Variants in NELL1 observed in about 807,000 individuals in gnomAD.
NELL1 encodes protein kinase C-binding protein NELL1.
In NELL1, 76 loss-of-function variants were observed where a neutral mutation model predicts 107.4. The observed-to-expected ratio is 0.71, with a 90% CI of 0.59 to 0.86. The LOEUF (loss-of-function observed/expected upper bound fraction) is 0.86. Among genes scored for constraint, NELL1 ranks in the 40% least tolerant of loss-of-function variants. The pLI, the probability that NELL1 is intolerant of heterozygous loss-of-function variation, is 0.00. For synonymous variants in NELL1, 353 were observed against 341.2 expected (o/e 1.03, Z -0.38); for missense variants, 1,024 against 1,005.5 (o/e 1.02, Z -0.25).
At chr11:21,155,693 C>T (rs935855906) in intron 13 of NELL1, among the ~76,000 whole-genome samples, 7 of 151,860 alleles carry the variant, frequency 4.6e-5, no homozygotes, top group African/African-American at 1.7e-4. Flanking sequence ...AGTCAGAGGG[C>T]TTTATATTAA....
Position 20,691,789 on chromosome 11 carries a change from C to G in NELL1, c.184+13729C>G, listed in dbSNP as rs1456451039. Reference sequence around the variant, plus strand: ...GACCGGCTTTGGTATCAGGATGATGCTGGCCTCATAAAACGAGTTAGGGAG... The same window carrying G: ...GACCGGCTTTGGTATCAGGATGATGGTGGCCTCATAAAACGAGTTAGGGAG... On this transcript the variant is annotated intron_variant, in intron 2 of 19. Coordinates refer to ENST00000357134, the MANE Select transcript of NELL1 (RefSeq NM_006157.5). 3.7e-3 allele frequency among the ~76,000 whole-genome samples: 561 copies of G among 152,146 alleles called. 2 individuals carry two copies. Among genetic ancestry groups the G allele is most frequent in the African/African-American group, 0.013 (538 of 41,486 alleles).
chr11:21,322,739 A>C (rs1360487347), intron 14 of NELL1, among the ~76,000 whole-genome samples: 2 of 152,038 alleles, frequency 1.3e-5, no homozygotes, highest in African/African-American at 4.8e-5. Context: ...AGAGTTTCTC[A>C]AGGTCAAGCC....
intron 12 of NELL1, among the ~76,000 whole-genome samples, chr11:21,076,424 AT>A (rs1854137690): frequency 6.6e-6 from 1 of 152,216 alleles, no homozygotes; most frequent in Non-Finnish European, 1.5e-5. Flanking sequence ...TGACCTGGAA[AT>A]AGTACATGTG....
At chr11:21,361,941 T>A (rs1057395565) in intron 14 of NELL1, among the ~76,000 whole-genome samples, 2 of 152,210 alleles carry the variant, frequency 1.3e-5, no homozygotes, top group Non-Finnish European at 2.9e-5. Flanking sequence ...CTCTGGTATT[T>A]CTTTGAGTAG....
In NELL1 at chr11:21,113,732, G is replaced by A; in HGVS notation, c.1426+18G>A. 1 of 1,607,540 alleles carries A rather than the reference G, an allele frequency of 6.2e-7. No homozygotes were observed. Among genetic ancestry groups the A allele is most frequent in the Non-Finnish European group, 8.5e-7 (1 of 1,176,422 alleles). On this transcript the variant is annotated intron_variant, in intron 13 of 19. Transcript: ENST00000357134. The stretch of plus-strand genomic sequence containing the variant: ...TTGTACAGGTGAGCTTTAAGAAGCA[G>A]TGTTGTTTTTTTAATTCATCCATTC...
At chr11:20,987,751 C>T (rs1851882134) in intron 12 of NELL1, among the ~76,000 whole-genome samples, 1 of 152,018 alleles carries the variant, frequency 6.6e-6, no homozygotes, top group Non-Finnish European at 1.5e-5. Context: ...TTCGTTGTAC[C>T]TCATTTTTTT....
chr11:21,504,793 G>A (rs752304892), intron 15 of NELL1, among the ~76,000 whole-genome samples: 2 of 152,036 alleles, frequency 1.3e-5, no homozygotes, highest in Non-Finnish European at 2.9e-5. Context: ...CAGATTTTCA[G>A]TCTTGTCTCT....
intron 11 of NELL1, among the ~76,000 whole-genome samples, chr11:20,958,998 G>A (rs1419414928): frequency 3.3e-5 from 5 of 152,156 alleles, no homozygotes; most frequent in African/African-American, 7.2e-5. Context: ...AGTACAGTCC[G>A]ATGGCATTTT....
At chr11:21,531,143 TTAAC>T (rs1855981323) in intron 15 of NELL1, among the ~76,000 whole-genome samples, 1 of 152,084 alleles carries the variant, frequency 6.6e-6, no homozygotes, top group Non-Finnish European at 1.5e-5. Context: ...GTTTGAAACT[TTAAC>T]TATTAGTATG....
At chr11:21,021,136 G>A (rs1025163734) in intron 12 of NELL1, among the ~76,000 whole-genome samples, 5 of 151,492 alleles carry the variant, frequency 3.3e-5, no homozygotes, top group African/African-American at 1.2e-4. Context: ...TGTTTTGCTT[G>A]CAACTGTATT....
intron 14 of NELL1, among the ~76,000 whole-genome samples, chr11:21,256,487 A>C (rs996365556): frequency 7.2e-5 from 11 of 152,020 alleles, no homozygotes; most frequent in African/African-American, 2.7e-4. Context: ...CTTTGGCCTC[A>C]CGTCATAAGT....
chr11:20,928,586 T>C, intron 9 of NELL1, 107 bp downstream of exon 9: 1 of 859,188 alleles, frequency 1.2e-6, no homozygotes, highest in Non-Finnish European at 1.9e-6. Flanking sequence ...AAATGAAACA[T>C]TGGCAGTTGA....
intron 15 of NELL1, among the ~76,000 whole-genome samples, chr11:21,448,766 TTTTC>T (rs2133855005): frequency 6.6e-6 from 1 of 152,324 alleles, no homozygotes; most frequent in Non-Finnish European, 1.5e-5. Context: ...CTGATTTCCT[TTTTC>T]TCACTACACT....
At chr11:21,550,466 G>A (rs572374411) in intron 16 of NELL1, among the ~76,000 whole-genome samples, 81 of 152,106 alleles carry the variant, frequency 5.3e-4, no homozygotes, top group African/African-American at 1.8e-3. Context: ...GGGTTTTTAT[G>A]CTTTTAGGTC....
intron 2 of NELL1, among the ~76,000 whole-genome samples, chr11:20,746,800 T>C (rs898976077): frequency 3.3e-5 from 5 of 152,208 alleles, no homozygotes; most frequent in Non-Finnish European, 7.3e-5. Flanking sequence ...AAATCCAGGA[T>C]GTGTACGATA....
intron 3 of NELL1, among the ~76,000 whole-genome samples, chr11:20,806,252 TTG>T (rs3045512): frequency 0.17 from 25,152 of 148,464 alleles, 2,486 homozygotes; most frequent in African/African-American, 0.28. Flanking sequence ...TGTGAAGCAT[TTG>T]TGTGTGTGTG....
chr11:21,376,546 C>T (rs1438296796), intron 15 of NELL1, among the ~76,000 whole-genome samples: 2 of 151,964 alleles, frequency 1.3e-5, no homozygotes, highest in Non-Finnish European at 2.9e-5. Context: ...TGTTTCGGTT[C>T]CAAATGAATT....
At chr11:20,866,985 G>A (rs1310732438) in intron 4 of NELL1, among the ~76,000 whole-genome samples, 1 of 152,164 alleles carries the variant, frequency 6.6e-6, no homozygotes, top group African/African-American at 2.4e-5. Context: ...TGCATAGCTG[G>A]CTATGTTGGG....
intron 4 of NELL1, among the ~76,000 whole-genome samples, chr11:20,854,530 A>G (rs1848846263): frequency 6.6e-6 from 1 of 152,190 alleles, no homozygotes; most frequent in Non-Finnish European, 1.5e-5. Context: ...CATGCTGCTG[A>G]TGAGCAAAGA....
Sources: gnomAD v4.1 joint callset for allele counts (sites outside exome capture counted in the v4.1 genomes callset) on GRCh38, gnomAD v4.1.1 for gene constraint, MANE v1.5 for transcripts, NCBI Gene and HGNC (gene_info 2026-07-23, HGNC 2026-07-21) for gene names.